UMODL1: variants seen among roughly 807,000 people sequenced by gnomAD.
The protein encoded by UMODL1 is uromodulin like 1.
In UMODL1, 128 loss-of-function variants were observed where a neutral mutation model predicts 136.3. The observed-to-expected ratio is 0.94, with a 90% CI of 0.81 to 1.09. The LOEUF (loss-of-function observed/expected upper bound fraction) is 1.09. UMODL1 is among the 50% of genes least tolerant of loss of function. UMODL1 has a pLI of 0.00. For synonymous variants in UMODL1, 721 were observed against 720.0 expected (o/e 1.00, Z -0.02); for missense variants, 1,766 against 1,725.6 (o/e 1.02, Z -0.41).
At chr21:42,063,425 G>C (rs2146400063) in intron 1 of UMODL1, among the ~76,000 whole-genome samples, 2 of 152,340 alleles carry the variant, frequency 1.3e-5, no homozygotes, top group South Asian at 4.1e-4. Context: ...CCCCCAAACA[G>C]ATTCTAAGCT....
At chr21:42,111,280 G>A in intron 11 of UMODL1, 159 bp downstream of exon 11, 2 of 1,425,206 alleles carry the variant, frequency 1.4e-6, no homozygotes, top group African/African-American at 1.5e-5. Context: ...CCAGCCAGGT[G>A]AACCCCAGCC....
intron 14 of UMODL1, 69 bp downstream of exon 14, chr21:42,116,054 G>T (rs988810052): frequency 3.0e-6 from 4 of 1,329,472 alleles, no homozygotes; most frequent in Admixed American, 1.7e-5. Context: ...AGAATTCTAG[G>T]TTAGGCACGG....
Position 42,076,266 on chromosome 21 carries a change from G to A in UMODL1, c.319+19G>A, listed in dbSNP as rs186221354. The A allele has an allele frequency of 1.4e-5, 23 of 1,612,612 alleles. No homozygotes were observed. The African/African-American group carries it at 2.8e-4, about 20-fold the overall frequency. On this transcript the variant is annotated intron_variant, in intron 2 of 22. Coordinates refer to ENST00000408910, the MANE Select transcript of UMODL1 (RefSeq NM_001004416.3). ...GTCTTGCGTGAGTCCAGGGCTGCTG[G>A]GCTGGGGCGGGGCCACCCTTGCCGT...
intron 12 of UMODL1, among the ~76,000 whole-genome samples, chr21:42,112,417 CCCCCAGCTGTTCTGCAT>C (rs1385015489): frequency 2.0e-5 from 3 of 150,878 alleles, no homozygotes; most frequent in South Asian, 2.1e-4. Flanking sequence ...TTCTTCTGCA[CCCCCAGCTGTTCTGCAT>C]CCCCAGCTGT....
At chr21:42,132,098 T>A (rs2067141260) in intron 21 of UMODL1, among the ~76,000 whole-genome samples, 1 of 152,152 alleles carries the variant, frequency 6.6e-6, no homozygotes, top group Non-Finnish European at 1.5e-5. Context: ...GGTTCATCCA[T>A]CATCCACCCA....
Position 42,099,095 on chromosome 21 carries a change from G to A in UMODL1, c.1101G>A (p.Gly367=), listed in dbSNP as rs764389511. The A allele has an allele frequency of 5.0e-6, 8 of 1,614,170 alleles. No homozygotes were observed. In the South Asian group the frequency reaches 5.5e-5, roughly 11 times the overall value. Residue 367 remains glycine (G), a synonymous_variant, in exon 7 of 23, where the codon GGG becomes GGA. Transcript: ENST00000408910. This position sits in a 1 kb window ranked among gnomAD's most constrained non-coding sequence, Gnocchi z 4.1. ...AGAGCCAGGCACTGGCAGTGGCTGGGCTGGAGGCTGGAGTGCTGTACAGGG... is the reference window on the plus strand; with the variant it reads ...AGAGCCAGGCACTGGCAGTGGCTGGACTGGAGGCTGGAGTGCTGTACAGGG... The part of the protein sequence containing the change: ...RTQSQALAVA[G]LEAGVLYRVK...
rs563266920 is a variant in UMODL1 at position 42,094,955 on chromosome 21, G to A, written c.932-3971G>A. Among the ~76,000 whole-genome samples, 7 of 152,074 alleles carry A rather than the reference G, an allele frequency of 4.6e-5. No individual in the cohort carries two copies. In the East Asian group the frequency reaches 1.4e-3, roughly 29 times the overall value. ...CAGAAATTTGAAATAGTTACCACTG[G>A]GCCTAAATCAGGTTGCCAGCAGGGC... On this transcript the variant is annotated intron_variant, in intron 6 of 22. Coordinates refer to ENST00000408910, the MANE Select transcript of UMODL1 (RefSeq NM_001004416.3).
rs7279242 is a variant in UMODL1, at chr21:42,113,875, G to T, written c.2362+45G>T. 9,769 of 1,584,308 alleles carry T rather than the reference G, an allele frequency of 6.2e-3. 367 individuals carry two copies. The African/African-American group carries it at 0.096, about 16-fold the overall frequency. ...TTTTAAAGAGAGGAACAAAAAGTAT[G>T]AAAAAGACTTTCTGTGGGTTAAGGC... On this transcript the variant is annotated intron_variant, in intron 13 of 22. Coordinates refer to ENST00000408910, the MANE Select transcript of UMODL1 (RefSeq NM_001004416.3).
chr21:42,088,166 G>T (rs2066447315), intron 4 of UMODL1, 128 bp from the exon 5 acceptor site: 4 of 958,460 alleles, frequency 4.2e-6, no homozygotes, highest in Non-Finnish European at 6.1e-6. Context: ...TACTGTAGAG[G>T]TTCTTTGCTG....
chr21:42,119,146 C>A lies in UMODL1; in HGVS notation c.2511C>A (p.His837Gln). The change falls in exon 15 of 23, where the codon CAC becomes CAA. Residue 837 changes from histidine to glutamine, a missense_variant. Physicochemically the swap from His to Gln is conservative, Grantham distance 24 (BLOSUM62 0). Transcript: ENST00000408910. ...CCCTGCCAGCCACCATGTGTCAGCA[C>A]ATGGACGCTGGTGGGGTCAGGATGG... ...RGSLPATMCQ[H>Q]MDAGGVRMEV... is the part of the protein sequence containing the mutation. 2 of 1,613,766 alleles carry A rather than the reference C, an allele frequency of 1.2e-6. No individual in the cohort carries two copies. Among genetic ancestry groups the A allele is most frequent in the Non-Finnish European group, 1.7e-6 (2 of 1,179,938 alleles).
chr21:42,109,231 T>G (rs1273753870), intron 9 of UMODL1, among the ~76,000 whole-genome samples: 1 of 152,202 alleles, frequency 6.6e-6, no homozygotes, highest in Non-Finnish European at 1.5e-5. Flanking sequence ...TGGAGAATGT[T>G]GGCACATCAA....
chr21:42,126,363 G>C lies in UMODL1; in HGVS notation c.3166G>C (p.Val1056Leu). ...LMQSNMTNTVVRTTLRNDLSQ... is the reference protein window; with the variant it reads ...LMQSNMTNTVLRTTLRNDLSQ... ...TGCTCAGAACATGACGAACACCGTG[G>C]TGAGGACCACGCTGAGGAACGACCT... Residue 1056 changes from valine to leucine, a missense_variant, in exon 18 of 23, where the codon GTG (valine) becomes CTG (leucine). Coordinates refer to ENST00000408910, the MANE Select transcript of UMODL1 (RefSeq NM_001004416.3). 1 of 1,614,162 alleles carries C rather than the reference G, an allele frequency of 6.2e-7. No individual in the cohort carries two copies. The highest frequency in any genetic ancestry group is 8.5e-7 in the Non-Finnish European group (1 of 1,180,016).
At chr21:42,127,873 G>T in intron 20 of UMODL1, 42 bp downstream of exon 20, 1 of 1,606,498 alleles carries the variant, frequency 6.2e-7, no homozygotes, top group East Asian at 2.2e-5. Flanking sequence ...TTGGATTCAC[G>T]TTCCTTATTG....
At chr21:42,117,690 G>A (rs188067805) in intron 14 of UMODL1, among the ~76,000 whole-genome samples, 1 of 152,220 alleles carries the variant, frequency 6.6e-6, no homozygotes, top group African/African-American at 2.4e-5. Flanking sequence ...GAGAAGATTC[G>A]ACAGCCTTTG....
chr21:42,122,798 C>T lies in UMODL1; in HGVS notation c.2828-33C>T, dbSNP rs376306898. On this transcript the variant is annotated intron_variant, in intron 16 of 22. Coordinates refer to ENST00000408910, the MANE Select transcript of UMODL1 (RefSeq NM_001004416.3). This position sits in a 1 kb window ranked among gnomAD's most constrained non-coding sequence, Gnocchi z 4.3. ...TCCATGCCAACCCCAAACACAGAGC[C>T]ACTCTTTGCCTTTTCCTCCTTGTGC... 6.4e-7 allele frequency: 1 copy of T among 1,551,684 alleles called. No homozygotes were observed. The highest frequency in any genetic ancestry group is 8.7e-7 in the Non-Finnish European group (1 of 1,147,304).
chr21:42,106,617 C>T (rs1343870944), intron 9 of UMODL1, among the ~76,000 whole-genome samples: 6 of 152,166 alleles, frequency 3.9e-5, no homozygotes, highest in African/African-American at 7.2e-5. Context: ...GCCATGTGTT[C>T]GGTCTTTCCC....
At chr21:42,120,018 A>C (rs117352302) in intron 15 of UMODL1, among the ~76,000 whole-genome samples, 2,015 of 152,328 alleles carry the variant, frequency 0.013, 16 homozygotes, top group Non-Finnish European at 0.021. Flanking sequence ...CAAATAGATA[A>C]ATATTAAGAA....
In UMODL1 at chr21:42,116,570, C is replaced by T. The variant is rs1249840133; in HGVS notation, c.2475+585C>T. On this transcript the variant is annotated intron_variant, in intron 14 of 22. Transcript: ENST00000408910. ...ACACTTCACTTTCTGTCCAGTGAAA[C>T]CTGTTTTTCAGTTGTGGAACCTATG... Among the ~76,000 whole-genome samples, 3 of 152,164 alleles carry T rather than the reference C, an allele frequency of 2.0e-5. No homozygotes were observed. The East Asian group carries it at 5.8e-4, about 29-fold the overall frequency.
At chr21:42,096,017 TG>T (rs2066553457) in intron 6 of UMODL1, among the ~76,000 whole-genome samples, 1 of 152,208 alleles carries the variant, frequency 6.6e-6, no homozygotes, top group Non-Finnish European at 1.5e-5. Flanking sequence ...CTATAATGCA[TG>T]CTGCGTTAGC....
Sources: allele counts gnomAD v4.1 joint callset (sites outside exome capture counted in the v4.1 genomes callset), GRCh38; gene constraint gnomAD v4.1.1; non-coding constraint Gnocchi (gnomAD v3.1); transcripts MANE v1.5; gene names NCBI Gene and HGNC (gene_info 2026-07-23, HGNC 2026-07-21).